Variants in COL17A1 observed in about 807,000 individuals in gnomAD.
The protein encoded by COL17A1 is collagen alpha-1(XVII) chain.
A neutral mutation model predicts 218.4 loss-of-function variants in COL17A1; 181 were observed. That is an observed-to-expected ratio of 0.83 (90% CI 0.73 to 0.94). The LOEUF (loss-of-function observed/expected upper bound fraction) is 0.94. Among genes scored for constraint, COL17A1 ranks in the 40% least tolerant of loss-of-function variants. The pLI is 0.00. For synonymous variants in COL17A1, 721 were observed against 731.0 expected (o/e 0.99, Z 0.22); for missense variants, 1,924 against 1,945.9 (o/e 0.99, Z 0.21).
intron 33 of COL17A1, 141 bp from the exon 34 acceptor site, chr10:104,044,001 G>T: frequency 1.1e-6 from 1 of 902,116 alleles, no homozygotes; most frequent in Non-Finnish European, 1.9e-6. Context: ...TTAATGAACT[G>T]AAGGAAGGCA....
Position 104,064,563 on chromosome 10 carries a change from G to A in COL17A1, c.641C>T (p.Ala214Val), listed in dbSNP as rs1242786896. ...GGACCACACATGGGAGGGAAGGTTG[G>A]CATCCAGGATCGTTGCATCGTAGGT... is the stretch of plus-strand genomic sequence containing the variant. ...SGTYDATILD[A>V]NLPSHVWSST... Residue 214 changes from alanine to valine, a missense_variant, in exon 10 of 56, where the codon GCC becomes GTC. By Grantham distance (64) the Ala-to-Val change is moderately conservative (BLOSUM62 0). Coordinates refer to ENST00000648076, the MANE Select transcript of COL17A1 (RefSeq NM_000494.4). 2 of 1,613,804 alleles carry A rather than the reference G, an allele frequency of 1.2e-6. No homozygotes were observed. Among genetic ancestry groups the A allele is most frequent in the Admixed American group, 3.3e-5 (2 of 59,984 alleles).
At chr10:104,040,602 G>GATGGA (rs1358482271) in intron 39 of COL17A1, among the ~76,000 whole-genome samples, 192 bp from the exon 40 acceptor site, 5 of 142,248 alleles carry the variant, frequency 3.5e-5, no homozygotes, top group Admixed American at 6.8e-5. Context: ...GGATGGATAG[G>GATGGA]TGGATGGATG....
Position 104,032,013 on chromosome 10 carries a change from T to C in COL17A1, c.*222A>G, listed in dbSNP as rs986227561. The C allele has an allele frequency of 1.7e-6, 1 of 603,210 alleles. No individual in the cohort carries two copies. The highest frequency in any genetic ancestry group is 2.8e-5 in the East Asian group (1 of 36,210). The allele number at this position is 603,210 out of a possible 1,614,324, so 37.4% of individuals were successfully genotyped here. On this transcript the variant is annotated 3_prime_UTR_variant, in exon 56 of 56. Coordinates refer to ENST00000648076, the MANE Select transcript of COL17A1 (RefSeq NM_000494.4). ...AAGTCTCATTCTAAAACATTGCAAC[T>C]ACTGTTAGAGTCCACCCCATGAAGC...
chr10:104,064,627 G>A, intron 9 of COL17A1, 31 bp from the exon 10 acceptor site: 1 of 1,595,066 alleles, frequency 6.3e-7, no homozygotes, highest in African/African-American at 1.3e-5. Context: ...ACACCCCAGT[G>A]AGAGACAAAT....
Position 104,072,052 on chromosome 10 carries a change from C to T in COL17A1, c.443G>A (p.Ser148Asn), listed in dbSNP as rs781423294. 3.7e-6 allele frequency: 6 copies of T among 1,614,164 alleles called. No homozygotes were observed. In the South Asian group the frequency reaches 4.4e-5, roughly 12 times the overall value. ...CTTACATCGGGTGGATGGGGACGCA[C>T]TCTGCAGTCGAACTCGAATTTCACT... ...RESEIRVRLQ[S>N]ASPSTRWTEL... Residue 148 changes from serine (S) to asparagine (N), a missense_variant, in exon 8 of 56, where the codon AGT becomes AAT. Physicochemically the swap from Ser to Asn is conservative, Grantham distance 46 (BLOSUM62 1). Coordinates refer to ENST00000648076, the MANE Select transcript of COL17A1 (RefSeq NM_000494.4).
At chr10:104,045,699 C>G (rs780334628) in intron 33 of COL17A1, 59 bp downstream of exon 33, 1 of 1,417,622 alleles carries the variant, frequency 7.1e-7, no homozygotes, top group South Asian at 1.1e-5. Flanking sequence ...CTGTCCATCC[C>G]TTCCTTCCAC....
Position 104,041,475 on chromosome 10 carries a change from A to G in COL17A1, c.2605+10T>C. 1 of 1,610,176 alleles carries G rather than the reference A, an allele frequency of 6.2e-7. No homozygotes were observed. The highest frequency in any genetic ancestry group is 8.5e-7 in the Non-Finnish European group (1 of 1,177,984). ...ACTCCCCACCTTCCAAAGGTCTCCA[A>G]GATACTCACCTGGTGGCCCGCGTGG... On this transcript the variant is annotated intron_variant, in intron 37 of 55. Coordinates refer to ENST00000648076, the MANE Select transcript of COL17A1 (RefSeq NM_000494.4).
In COL17A1 at chr10:104,055,362, A is replaced by G. The variant is rs1217502852; in HGVS notation, c.1717+10T>C. ...ATGAATCAGAGACAAGGTTCAATCCATGGCAATACCTTTAGGGCCAGGGCT... is the reference window on the plus strand; with the variant it reads ...ATGAATCAGAGACAAGGTTCAATCCGTGGCAATACCTTTAGGGCCAGGGCT... On this transcript the variant is annotated intron_variant, in intron 19 of 55. Transcript: ENST00000648076. 15 of 1,613,802 alleles carry G rather than the reference A, an allele frequency of 9.3e-6. No homozygotes were observed. Among genetic ancestry groups the G allele is most frequent in the African/African-American group, 1.3e-5 (1 of 74,890 alleles).
chr10:104,066,295 C>T (rs1392303615), intron 9 of COL17A1, among the ~76,000 whole-genome samples: 9 of 152,196 alleles, frequency 5.9e-5, no homozygotes, highest in Admixed American at 5.9e-4. Flanking sequence ...CTAACATTCT[C>T]CCAAATAGTC....
chr10:104,064,717 G>C, intron 9 of COL17A1, 121 bp from the exon 10 acceptor site: 1 of 945,920 alleles, frequency 1.1e-6, no homozygotes, highest in Middle Eastern at 2.3e-4. Flanking sequence ...CCACATTTCA[G>C]GAACTTTCTC....
intron 17 of COL17A1, 21 bp downstream of exon 17, chr10:104,056,954 C>T: frequency 1.9e-6 from 3 of 1,556,950 alleles, no homozygotes; most frequent in East Asian, 2.4e-5. Flanking sequence ...CACAGGCTGC[C>T]CTGCTGCCTT....
chr10:104,080,618 T>A lies in COL17A1; in HGVS notation c.52+4A>T. The A allele has an allele frequency of 1.2e-6, 2 of 1,612,654 alleles. No homozygotes were observed. Among genetic ancestry groups the A allele is most frequent in the Non-Finnish European group, 1.7e-6 (2 of 1,179,946 alleles). ...CATAAATTAAAAAATTCTGATGCTC[T>A]TACTTCTCTCAGTGACTTCAGTTCC... On this transcript the variant is annotated splice_donor_region_variant and intron_variant, in intron 2 of 55. Transcript: ENST00000648076.
At position 104,080,661 on chromosome 10, in the gene COL17A1, TG is replaced by T; in HGVS notation, c.12del (p.Lys5ArgfsTer19). MDV[T>X]KKNKRDGTEV... ...TCAGTTCCATCTCGTTTGTTTTTCT[TG>T]GTTACATCCATACCATAGCCACCTG... On this transcript the variant is annotated frameshift_variant, in exon 2 of 56. Transcript: ENST00000648076. LOFTEE classifies it high-confidence loss of function. The T allele has an allele frequency of 6.2e-7, 1 of 1,613,336 alleles. No homozygotes were observed.
chr10:104,074,190 C>T lies in COL17A1; in HGVS notation c.373G>A (p.Glu125Lys), dbSNP rs535452126. 1.2e-6 allele frequency: 2 copies of T among 1,614,162 alleles called. No individual in the cohort carries two copies. The highest frequency in any genetic ancestry group is 4.5e-5 in the East Asian group (2 of 44,878). The change falls in exon 6 of 56, where the codon GAA becomes AAA. Residue 125 changes from glutamate to lysine, a missense_variant. Coordinates refer to ENST00000648076, the MANE Select transcript of COL17A1 (RefSeq NM_000494.4). ...GNSSPEYPRK[E>K]FASSSTRGRS... ...AAATAAGGAGAGGACATACCAAATT[C>T]CTTCCGAGGGTACTCCGGAGAAGAG...
At chr10:104,039,279 A>G (rs1196763773) in intron 43 of COL17A1, among the ~76,000 whole-genome samples, 158 bp from the exon 44 acceptor site, 1 of 152,050 alleles carries the variant, frequency 6.6e-6, no homozygotes, top group Admixed American at 6.5e-5. Flanking sequence ...AGGCTATATC[A>G]CCATGTCCTT....
rs1056834996 is a variant in COL17A1, at chr10:104,037,247, C to G, written c.3209-134G>C. 3.7e-6 allele frequency: 3 copies of G among 806,244 alleles called. No homozygotes were observed. In the African/African-American group the frequency reaches 5.1e-5, roughly 14 times the overall value. The allele number at this position is 806,244 out of a possible 1,614,324, so 49.9% of individuals were successfully genotyped here. A position where few individuals can be genotyped will look rare whatever the true frequency, so the allele number is the denominator to read the frequency against. On this transcript the variant is annotated intron_variant, in intron 46 of 55. Transcript: ENST00000648076. ...AGTGGATGAATGGAGTATTACGAGG[C>G]TATTTTGAAAGCATAACAAAGTCAA...
chr10:104,052,058 G>A lies in COL17A1; in HGVS notation c.2002+97C>T, dbSNP rs1226194300. The A allele has an allele frequency of 3.2e-6, 5 of 1,541,208 alleles. No individual in the cohort carries two copies. The East Asian group carries it at 6.7e-5, about 21-fold the overall frequency. Reference sequence around the variant, plus strand: ...TGCACAGGCCTGGGGCAGGGGGTTAGGGCTGTCTGGGGTCCCAGGGCCTCT... The same window carrying A: ...TGCACAGGCCTGGGGCAGGGGGTTAAGGCTGTCTGGGGTCCCAGGGCCTCT... On this transcript the variant is annotated intron_variant, in intron 24 of 55. Coordinates refer to ENST00000648076, the MANE Select transcript of COL17A1 (RefSeq NM_000494.4).
intron 55 of COL17A1, 138 bp from the exon 56 acceptor site, chr10:104,032,428 A>T: frequency 2.4e-6 from 2 of 841,146 alleles, no homozygotes; most frequent in Non-Finnish European, 4.0e-6. Flanking sequence ...ACATTTATTT[A>T]ACTTGTTTGC....
At position 104,043,521 on chromosome 10, in the gene COL17A1, G is replaced by C. The variant is rs757928029; in HGVS notation, c.2495C>G (p.Pro832Arg). 8.1e-6 allele frequency: 13 copies of C among 1,610,720 alleles called. No individual in the cohort carries two copies. The highest frequency in any genetic ancestry group is 8.5e-7 in the Non-Finnish European group (1 of 1,179,968). Residue 832 changes from proline (P) to arginine (R), a missense_variant, in exon 35 of 56, where the codon CCA becomes CGA. Transcript: ENST00000648076. The part of the protein sequence containing the change: ...PPGPPGAMGP[P>R]GPPGAPGPAG... ...CTGACCTGGGGCACCTGGAGGTCCT[G>C]GGGGTCCCATGGCTCCAGGAGGTCC... is the stretch of plus-strand genomic sequence containing the variant.
Sources: allele counts gnomAD v4.1 joint callset (sites outside exome capture counted in the v4.1 genomes callset), GRCh38; gene constraint gnomAD v4.1.1; transcripts MANE v1.5; gene names NCBI Gene and HGNC (gene_info 2026-07-23, HGNC 2026-07-21).